The following CFAP57 variants were observed in gnomAD, a reference collection of about 807,000 sequenced individuals.
CFAP57 encodes cilia- and flagella-associated protein 57.
A neutral mutation model predicts 146.8 loss-of-function variants in CFAP57; 116 were observed. The observed-to-expected ratio is 0.79, with a 90% confidence interval of 0.68 to 0.92. The LOEUF is 0.92. CFAP57 is among the 40% of genes least tolerant of loss of function. The pLI, the probability that CFAP57 is intolerant of heterozygous loss-of-function variation, is 0.00. For synonymous variants in CFAP57, 518 were observed against 552.8 expected (o/e 0.94, Z 0.88); for missense variants, 1,377 against 1,527.2 (o/e 0.90, Z 1.64).
At chr1:43,179,234 G>A (rs1645292231) in intron 2 of CFAP57, among the ~76,000 whole-genome samples, 1 of 152,052 alleles carries the variant, frequency 6.6e-6, no homozygotes, top group African/African-American at 2.4e-5. Flanking sequence ...GTATACATAT[G>A]TAACAAACCT....
At chr1:43,189,397 T>C (rs1643359519) in intron 6 of CFAP57, among the ~76,000 whole-genome samples, 1 of 152,234 alleles carries the variant, frequency 6.6e-6, no homozygotes, top group African/African-American at 2.4e-5. Flanking sequence ...TCCATTTATT[T>C]AGATTGTCTT....
intron 22 of CFAP57, among the ~76,000 whole-genome samples, chr1:43,250,714 C>T (rs753596654): frequency 6.6e-6 from 1 of 152,148 alleles, no homozygotes; most frequent in Non-Finnish European, 1.5e-5. Context: ...GATCGACCTG[C>T]AAATGGAAAT....
chr1:43,223,910 A>G (rs1189306124), intron 16 of CFAP57, 136 bp from the exon 17 acceptor site: 8 of 1,061,236 alleles, frequency 7.5e-6, no homozygotes, highest in Non-Finnish European at 9.3e-6. Context: ...CTAAAATCCC[A>G]GAAATGTTGA....
Position 43,254,154 on chromosome 1 carries a change from C to T in CFAP57, c.3716C>T (p.Ser1239Phe). 1 of 1,550,622 alleles carries T rather than the reference C, an allele frequency of 6.4e-7. No homozygotes were observed. ...TLAGVRLPSLSNSEVDLEVKT... is the reference protein window; with the variant it reads ...TLAGVRLPSLFNSEVDLEVKT... ...GCTGGAGTTCGGCTTCCTTCCCTCT[C>T]CAACTCCGAGGTAGACTTAGAGGTG... is the stretch of plus-strand genomic sequence containing the variant. Residue 1239 changes from serine to phenylalanine, a missense_variant, in exon 23 of 23, where the codon TCC becomes TTC. By Grantham distance (155) the Ser-to-Phe change is radical (BLOSUM62 -2). Transcript: ENST00000372492.
Position 43,215,317 on chromosome 1 carries a change from C to T in CFAP57, c.1992C>T (p.Thr664=). Residue 664 remains threonine, a synonymous_variant, in exon 12 of 23, where the codon ACC becomes ACT. Coordinates refer to ENST00000372492, the MANE Select transcript of CFAP57 (RefSeq NM_001378189.1). The part of the protein sequence containing the change: ...LTAAEDGCLF[T]WKVFDKDGRG... ...CTGCTGAGGATGGCTGCCTGTTCAC[C>T]TGGAAGGTCTTTGATAAGGATGGCC... The T allele has an allele frequency of 6.4e-7, 1 of 1,551,296 alleles. No individual in the cohort carries two copies. The highest frequency in any genetic ancestry group is 8.7e-7 in the Non-Finnish European group (1 of 1,147,126).
At chr1:43,206,978 AG>A in intron 10 of CFAP57, 46 bp downstream of exon 10, 1 of 1,589,820 alleles carries the variant, frequency 6.3e-7, no homozygotes, top group Non-Finnish European at 8.6e-7. Context: ...ACGGATCTGC[AG>A]GGACAGCTTC....
intron 18 of CFAP57, chr1:43,231,985 C>G (rs1015340585): frequency 1.6e-6 from 1 of 633,682 alleles, no homozygotes; most frequent in African/African-American, 1.8e-5. Context: ...GGCTGAGGCC[C>G]CTTCTCAGCT....
chr1:43,219,089 C>T (rs1352475676), intron 12 of CFAP57, among the ~76,000 whole-genome samples: 2 of 152,142 alleles, frequency 1.3e-5, no homozygotes, highest in African/African-American at 2.4e-5. Flanking sequence ...CAGAATTAAA[C>T]AGTGTGGTGC....
chr1:43,175,054 T>C (rs1322164211), intron 2 of CFAP57, among the ~76,000 whole-genome samples: 1 of 152,208 alleles, frequency 6.6e-6, no homozygotes, highest in East Asian at 1.9e-4. Flanking sequence ...TTCTGAAAGA[T>C]AGTTTCAACA....
At position 43,236,177 on chromosome 1, in the gene CFAP57, A is replaced by C. The variant is rs541754849; in HGVS notation, c.3405+1539A>C. Among the ~76,000 whole-genome samples, 4 of 152,006 alleles carry C rather than the reference A, an allele frequency of 2.6e-5. No individual in the cohort carries two copies. In the South Asian group the frequency reaches 8.3e-4, roughly 32 times the overall value. On this transcript the variant is annotated intron_variant, in intron 21 of 22. Transcript: ENST00000372492. ...AGAACATTTTCTCCAGCAGCATTGT[A>C]ACCTATGTGCTAGGGAGTCCTGTGG...
intron 22 of CFAP57, among the ~76,000 whole-genome samples, chr1:43,249,421 C>CTTTTTTTTT (rs60189164): frequency 2.9e-5 from 2 of 67,924 alleles, no homozygotes; most frequent in African/African-American, 5.6e-5. Context: ...TTAACCATTT[C>CTTTTTTTTT]TTTTTTTTTT....
At chr1:43,208,300 G>T (rs1440476344) in intron 10 of CFAP57, among the ~76,000 whole-genome samples, 1 of 152,146 alleles carries the variant, frequency 6.6e-6, no homozygotes, top group African/African-American at 2.4e-5. Flanking sequence ...CCATTACTGA[G>T]TATATACCCA....
At chr1:43,207,097 T>C (rs554928516) in intron 10 of CFAP57, among the ~76,000 whole-genome samples, 165 bp downstream of exon 10, 20 of 152,352 alleles carry the variant, frequency 1.3e-4, no homozygotes, top group Non-Finnish European at 1.5e-5. Context: ...AGCTCAGTTA[T>C]CGTCACTTCC....
chr1:43,186,820 A>G lies in CFAP57; in HGVS notation c.1083A>G (p.Gln361=). The stretch of plus-strand genomic sequence containing the variant: ...TGGTTGCCAGCACCAGTAAGAACCA[A>G]CTCTACAGCATCACCATGTCCCTGA... ...ETLVASTSKN[Q]LYSITMSLTE... Residue 361 remains glutamine, a synonymous_variant, in exon 6 of 23, where the codon CAA becomes CAG. Coordinates refer to ENST00000372492, the MANE Select transcript of CFAP57 (RefSeq NM_001378189.1). 1.9e-6 allele frequency: 3 copies of G among 1,613,988 alleles called. No homozygotes were observed. Among genetic ancestry groups the G allele is most frequent in the Non-Finnish European group, 2.5e-6 (3 of 1,180,002 alleles).
chr1:43,226,414 G>A (rs1645244611), intron 17 of CFAP57, among the ~76,000 whole-genome samples: 1 of 152,124 alleles, frequency 6.6e-6, no homozygotes, highest in Non-Finnish European at 1.5e-5. Flanking sequence ...GCTCAGCTGG[G>A]TCTTTTGATC....
chr1:43,216,386 G>T (rs1488502293), intron 12 of CFAP57, among the ~76,000 whole-genome samples: 1 of 152,212 alleles, frequency 6.6e-6, no homozygotes, highest in Non-Finnish European at 1.5e-5. Flanking sequence ...AAGCAAAGAG[G>T]GAGAAGAGGA....
At chr1:43,208,180 G>A (rs540993588) in intron 10 of CFAP57, among the ~76,000 whole-genome samples, 17 of 152,314 alleles carry the variant, frequency 1.1e-4, no homozygotes, top group African/African-American at 4.1e-4. Context: ...GGAGAAATAG[G>A]AATAATTTTA....
rs1176025529 is a variant in CFAP57, at chr1:43,232,640, A to G, written c.3126+16A>G. On this transcript the variant is annotated intron_variant, in intron 19 of 22. Coordinates refer to ENST00000372492, the MANE Select transcript of CFAP57 (RefSeq NM_001378189.1). ...GAGACAGAAGGTGTGAGGGTTTCAG[A>G]GTCTGGCAGTTCTTGGATTCGGGAT... is the stretch of plus-strand genomic sequence containing the variant. 1 of 1,501,276 alleles carries G rather than the reference A, an allele frequency of 6.7e-7. No individual in the cohort carries two copies. The highest frequency in any genetic ancestry group is 9.0e-7 in the Non-Finnish European group (1 of 1,112,888). 93.0% of individuals were successfully genotyped at this position (1,501,276 alleles called of 1,614,324 possible).
chr1:43,189,299 C>G (rs1048597584), intron 6 of CFAP57, among the ~76,000 whole-genome samples: 1 of 152,142 alleles, frequency 6.6e-6, no homozygotes, highest in African/African-American at 2.4e-5. Flanking sequence ...GGATCCTCAC[C>G]GGGATTGCAT....
Sources: gnomAD v4.1 joint callset for allele counts (sites outside exome capture counted in the v4.1 genomes callset) on GRCh38, gnomAD v4.1.1 for gene constraint, MANE v1.5 for transcripts, NCBI Gene and HGNC (gene_info 2026-07-23, HGNC 2026-07-21) for gene names.